The following FOXP1 variants were observed in gnomAD, a reference collection of about 807,000 sequenced individuals.
The protein encoded by FOXP1 is forkhead box P1, also known as forkhead box protein P1.
Under a neutral mutation model 98.2 loss-of-function variants are expected in FOXP1, and 15 were observed. That is an observed-to-expected ratio of 0.15 (90% CI 0.10 to 0.24). The LOEUF (loss-of-function observed/expected upper bound fraction) is 0.24. FOXP1 is among the 10% of genes least tolerant of loss of function. The pLI is 1.00. For synonymous variants in FOXP1, 371 were observed against 314.5 expected, an observed-to-expected ratio of 1.18 and a Z score of -1.90; for missense variants, 633 against 848.5, an observed-to-expected ratio of 0.75 and a Z score of 3.15.
chr3:71,471,380 C>T (rs979943248), intron 3 of FOXP1, among the ~76,000 whole-genome samples: 2 of 151,728 alleles, frequency 1.3e-5, no homozygotes, highest in South Asian at 2.1e-4. Context: ...AAGAACAGGG[C>T]GAAATAACTG....
intron 3 of FOXP1, among the ~76,000 whole-genome samples, chr3:71,376,967 T>C (rs892365140): frequency 6.6e-6 from 1 of 152,030 alleles, no homozygotes; most frequent in Non-Finnish European, 1.5e-5. Context: ...GTGAGCAAAA[T>C]GCAAAATTGA....
chr3:71,319,059 C>T (rs2075248619), intron 4 of FOXP1, among the ~76,000 whole-genome samples: 1 of 152,190 alleles, frequency 6.6e-6, no homozygotes, highest in Non-Finnish European at 1.5e-5. Flanking sequence ...TATAGTTGTA[C>T]TGGAAGTCGT....
chr3:71,069,313 A>G (rs2052936319), intron 7 of FOXP1, among the ~76,000 whole-genome samples: 1 of 152,238 alleles, frequency 6.6e-6, no homozygotes, highest in East Asian at 1.9e-4. Context: ...ATGATGAGCT[A>G]TGGAAAACAT....
At chr3:71,382,813 A>C (rs1577227695) in intron 3 of FOXP1, among the ~76,000 whole-genome samples, 1 of 152,170 alleles carries the variant, frequency 6.6e-6, no homozygotes, top group Non-Finnish European at 1.5e-5. Flanking sequence ...TAAATACTGA[A>C]AAACACCAGG....
chr3:71,307,474 C>T (rs957976958), intron 4 of FOXP1, among the ~76,000 whole-genome samples: 1 of 152,088 alleles, frequency 6.6e-6, no homozygotes, highest in Admixed American at 6.5e-5. Flanking sequence ...TAAAAAGATA[C>T]CCAAAGACCC....
chr3:71,080,034 A>G (rs986111644), intron 7 of FOXP1, among the ~76,000 whole-genome samples: 1 of 152,210 alleles, frequency 6.6e-6, no homozygotes, highest in Non-Finnish European at 1.5e-5. Context: ...AGGACCCCCA[A>G]ATCAGGTCTT....
At chr3:71,387,967 T>C (rs1173932371) in intron 3 of FOXP1, among the ~76,000 whole-genome samples, 1 of 152,236 alleles carries the variant, frequency 6.6e-6, no homozygotes, top group African/African-American at 2.4e-5. Flanking sequence ...AGAAAAGTTC[T>C]GTCAATTTTT....
At chr3:71,568,922 C>T (rs1352170442) in intron 2 of FOXP1, among the ~76,000 whole-genome samples, 7 of 152,224 alleles carry the variant, frequency 4.6e-5, no homozygotes, top group Admixed American at 6.5e-5. Context: ...GCTAGGATTA[C>T]AGGCGTGAGC....
chr3:71,431,583 T>C (rs895671965), intron 3 of FOXP1, among the ~76,000 whole-genome samples: 1 of 152,152 alleles, frequency 6.6e-6, no homozygotes, highest in African/African-American at 2.4e-5. Flanking sequence ...AAGCAGAGAT[T>C]CAAACCCTGG....
At chr3:71,555,597 G>A (rs1018864456) in intron 2 of FOXP1, among the ~76,000 whole-genome samples, 1 of 152,132 alleles carries the variant, frequency 6.6e-6, no homozygotes, top group African/African-American at 2.4e-5. Context: ...CCCATTAGAT[G>A]GTTCTACTAT....
intron 7 of FOXP1, among the ~76,000 whole-genome samples, chr3:71,097,862 C>T (rs899116122): frequency 3.3e-5 from 5 of 152,130 alleles, no homozygotes; most frequent in African/African-American, 7.2e-5. Context: ...ATCCAAGCAC[C>T]GAGCATCTTT....
chr3:70,999,111 A>T (rs879005504), intron 13 of FOXP1, among the ~76,000 whole-genome samples: 1 of 151,814 alleles, frequency 6.6e-6, no homozygotes, highest in Non-Finnish European at 1.5e-5. Flanking sequence ...TTTTTTTGAG[A>T]TGGAGTCTCA....
chr3:71,013,820 G>C (rs1300337139), intron 12 of FOXP1, among the ~76,000 whole-genome samples: 1 of 152,182 alleles, frequency 6.6e-6, no homozygotes, highest in African/African-American at 2.4e-5. Flanking sequence ...CAAGGGAACA[G>C]AACAGAGCCC....
chr3:71,356,331 T>TGTATACAGC, intron 4 of FOXP1, among the ~76,000 whole-genome samples: 1 of 151,454 alleles, frequency 6.6e-6, no homozygotes, highest in Non-Finnish European at 1.5e-5. Flanking sequence ...GCTGTATACA[T>TGTATACAGC]AGCTGCACGT....
chr3:71,090,420 C>G (rs2107596453), intron 7 of FOXP1, among the ~76,000 whole-genome samples: 1 of 152,190 alleles, frequency 6.6e-6, no homozygotes, highest in Middle Eastern at 3.4e-3. Context: ...GTGAGGAGAA[C>G]CACCCTTGGG....
intron 7 of FOXP1, among the ~76,000 whole-genome samples, chr3:71,079,015 G>T (rs573410245): frequency 1.3e-5 from 2 of 152,038 alleles, no homozygotes; most frequent in South Asian, 4.1e-4. Context: ...GCCCACTCAC[G>T]GTTTGGTTTT....
At chr3:71,048,397 G>T (rs2049336951) in intron 9 of FOXP1, among the ~76,000 whole-genome samples, 1 of 152,062 alleles carries the variant, frequency 6.6e-6, no homozygotes, top group Non-Finnish European at 1.5e-5. Flanking sequence ...AGAGAAAAAT[G>T]GTGGTTTCCT....
chr3:71,284,671 T>C (rs2107447748), intron 5 of FOXP1, among the ~76,000 whole-genome samples: 1 of 152,312 alleles, frequency 6.6e-6, no homozygotes, highest in African/African-American at 2.4e-5. Flanking sequence ...TTAAATTTTA[T>C]TGTATCCGAA....
intron 3 of FOXP1, among the ~76,000 whole-genome samples, chr3:71,470,155 A>G (rs918407533): frequency 2.6e-5 from 4 of 152,164 alleles, no homozygotes; most frequent in African/African-American, 9.7e-5. Flanking sequence ...AAGAAGTTCT[A>G]AAGTAATTTA....
Sources: gnomAD v4.1 joint callset for allele counts (sites outside exome capture counted in the v4.1 genomes callset) on GRCh38, gnomAD v4.1.1 for gene constraint, MANE v1.5 for transcripts, NCBI Gene and HGNC (gene_info 2026-07-23, HGNC 2026-07-21) for gene names.